The following SNX22 variants were observed in gnomAD, a reference collection of about 807,000 sequenced individuals.
The protein encoded by SNX22 is sorting nexin 22.
SNX22 carries 23 observed loss-of-function variants against 24.7 expected under a neutral mutation model. The ratio of observed to expected loss-of-function variants is 0.93; its 90% CI spans 0.67 to 1.32. SNX22 has a LOEUF of 1.32. Among genes scored for constraint, SNX22 ranks in the 40% most tolerant of loss-of-function variants. The probability of loss-of-function intolerance (pLI) is 0.00; values close to 1 mark genes in which losing one functional copy is unlikely to be tolerated. For missense variants in SNX22, 261 were observed against 249.9 expected (o/e 1.04, Z -0.30); for synonymous variants, 99 against 104.0 (o/e 0.95, Z 0.29).
Position 64,154,687 on chromosome 15 carries a change from G to C in SNX22, c.*179G>C. The C allele has an allele frequency of 1.4e-6, 1 of 739,014 alleles. No homozygotes were observed. Among genetic ancestry groups the C allele is most frequent in the East Asian group, 2.7e-5 (1 of 36,784 alleles). The allele number at this position is 739,014 out of a possible 1,614,324, so 45.8% of individuals were successfully genotyped here. A position where few individuals can be genotyped will look rare whatever the true frequency, so the allele number is the denominator to read the frequency against. On this transcript the variant is annotated 3_prime_UTR_variant, in exon 7 of 7. Transcript: ENST00000325881. ...CTCGCATTGGTAGCTGGAGGTGGTA[G>C]AATTTGTATGCTCTTAGAGCCCAAC...
chr15:64,153,337 G>T lies in SNX22; in HGVS notation c.357G>T (p.Trp119Cys), dbSNP rs754486393. ...HFPTDPKASN[W>C]GTLREFLPGD... ...CCACAGACCCCAAGGCTAGCAACTG[G>T]GGGTAAGGGGGGCCGATGGCGGGGG... The change falls in exon 4 of 7, where the codon TGG (tryptophan) becomes TGT (cysteine). Residue 119 changes from tryptophan (W) to cysteine (C), a missense_variant and splice_region_variant. By Grantham distance (215) the Trp-to-Cys change is radical (BLOSUM62 -2). Coordinates refer to ENST00000325881, the MANE Select transcript of SNX22 (RefSeq NM_024798.3). 5 of 1,613,784 alleles carry T rather than the reference G, an allele frequency of 3.1e-6. No individual in the cohort carries two copies. The South Asian group carries it at 5.5e-5, about 18-fold the overall frequency.
chr15:64,154,028 T>C, intron 6 of SNX22, 26 bp downstream of exon 6: 1 of 1,614,116 alleles, frequency 6.2e-7, no homozygotes, highest in South Asian at 1.1e-5. Flanking sequence ...GATATGGGGC[T>C]ACAGGGCTGG....
In SNX22 at chr15:64,157,284, A is replaced by C; in HGVS notation, c.*2776A>C. The C allele has an allele frequency of 3.8e-6, 1 of 262,930 alleles. No homozygotes were observed. The highest frequency in any genetic ancestry group is 8.8e-5 in the East Asian group (1 of 11,358). The allele number at this position is 262,930 out of a possible 1,614,324, so 16.3% of individuals were successfully genotyped here. A position where few individuals can be genotyped will look rare whatever the true frequency, so the allele number is the denominator to read the frequency against. Reference sequence around the variant, plus strand: ...ATGCAGGGGAGTCAACAGGGTCGGAACTCTCCAGAAAAGGAGGACTGCTGT... The same window carrying C: ...ATGCAGGGGAGTCAACAGGGTCGGACCTCTCCAGAAAAGGAGGACTGCTGT... On this transcript the variant is annotated 3_prime_UTR_variant, in exon 7 of 7. Transcript: ENST00000325881. The surrounding 1 kb of genome is among the most constrained non-coding windows in gnomAD (Gnocchi z 4.2).
chr15:64,156,505 C>A lies in SNX22; in HGVS notation c.*1997C>A, dbSNP rs539370673. The A allele has an allele frequency of 1.3e-4, 83 of 654,928 alleles. No individual in the cohort carries two copies. The highest frequency in any genetic ancestry group is 2.2e-4 in the Non-Finnish European group (81 of 373,170). 40.6% of individuals were successfully genotyped at this position (654,928 alleles called of 1,614,324 possible). A position where few individuals can be genotyped will look rare whatever the true frequency, so the allele number is the denominator to read the frequency against. ...GTGAAGGAGGGGAGGGAGGCTCTGG[C>A]AGTTGTGCAGCCTTCCTGGCTGGGC... On this transcript the variant is annotated 3_prime_UTR_variant, in exon 7 of 7. Coordinates refer to ENST00000325881, the MANE Select transcript of SNX22 (RefSeq NM_024798.3). This position sits in a 1 kb window ranked among gnomAD's most constrained non-coding sequence, Gnocchi z 6.4.
Position 64,156,387 on chromosome 15 carries a change from G to A in SNX22, c.*1879G>A. On this transcript the variant is annotated 3_prime_UTR_variant, in exon 7 of 7. Transcript: ENST00000325881. The surrounding 1 kb of genome is among the most constrained non-coding windows in gnomAD (Gnocchi z 6.4). The stretch of plus-strand genomic sequence containing the variant: ...CCCAGGTTGGGCCAAGGGTGAGGAG[G>A]AGGAAGAGGGTGACCAGGGCATGTG... 3.1e-6 allele frequency: 2 copies of A among 640,778 alleles called. No individual in the cohort carries two copies. The highest frequency in any genetic ancestry group is 4.9e-5 in the Admixed American group (2 of 41,038). The allele number at this position is 640,778 out of a possible 1,614,324, so 39.7% of individuals were successfully genotyped here.
At position 64,151,824 on chromosome 15, in the gene SNX22, A is replaced by G; in HGVS notation, c.49A>G (p.Arg17Gly). 1 of 1,538,618 alleles carries G rather than the reference A, an allele frequency of 6.5e-7. No individual in the cohort carries two copies. Residue 17 changes from arginine (R) to glycine (G), a missense_variant, in exon 1 of 7, where the codon AGG becomes GGG. Arg to Gly is a moderately radical substitution (Grantham distance 125, BLOSUM62 -2). Coordinates refer to ENST00000325881, the MANE Select transcript of SNX22 (RefSeq NM_024798.3). The stretch of plus-strand genomic sequence containing the variant: ...GGTGGGGCCCGAGGCCGAGGGGCCC[A>G]GGCAGAGCCCGGAGAAAAGCCACAT... ...PSVGPEAEGPRQSPEKSHMVF... is the reference protein window; with the variant it reads ...PSVGPEAEGPGQSPEKSHMVF...
chr15:64,152,801 C>A, intron 3 of SNX22, 59 bp downstream of exon 3: 1 of 1,499,238 alleles, frequency 6.7e-7, no homozygotes, highest in Non-Finnish European at 9.3e-7. Flanking sequence ...GTGGCCCAGA[C>A]AGAGAGGTGT....
chr15:64,154,381 C>G lies in SNX22; in HGVS notation c.461-6C>G. ...GAGGCCAGACCTGTTTAATTCTATC[C>G]CACAGAGTCGCTGCCCAACGTGGTG... On this transcript the variant is annotated splice_region_variant and splice_polypyrimidine_tract_variant and intron_variant, in intron 6 of 6. Coordinates refer to ENST00000325881, the MANE Select transcript of SNX22 (RefSeq NM_024798.3). The G allele has an allele frequency of 6.2e-7, 1 of 1,614,104 alleles. No individual in the cohort carries two copies. The highest frequency in any genetic ancestry group is 8.5e-7 in the Non-Finnish European group (1 of 1,179,992).
intron 3 of SNX22, 190 bp downstream of exon 3, chr15:64,152,932 A>G: frequency 1.6e-6 from 1 of 618,848 alleles, no homozygotes; most frequent in Non-Finnish European, 2.8e-6. Context: ...GGACTGAAAG[A>G]GGTAACGGAC....
chr15:64,153,040 C>T (rs2081498787), intron 3 of SNX22: 1 of 655,530 alleles, frequency 1.5e-6, no homozygotes, highest in South Asian at 2.0e-5. Context: ...GGTCCTTCCC[C>T]CAACAGCAAA....
chr15:64,152,832 AC>A, intron 3 of SNX22, 90 bp downstream of exon 3: 3 of 1,146,662 alleles, frequency 2.6e-6, no homozygotes, highest in Non-Finnish European at 3.8e-6. Flanking sequence ...CAGGGAGGGA[AC>A]CCACAACTTG....
intron 1 of SNX22, 23 bp downstream of exon 1, chr15:64,151,873 G>A: frequency 6.6e-7 from 1 of 1,523,352 alleles, no homozygotes. Flanking sequence ...CCTGGATGGG[G>A]AGGGGCGCCG....
chr15:64,154,633 C>G lies in SNX22; in HGVS notation c.*125C>G. The G allele has an allele frequency of 7.9e-7, 1 of 1,265,888 alleles. No individual in the cohort carries two copies. The allele number at this position is 1,265,888 out of a possible 1,614,324, so 78.4% of individuals were successfully genotyped here. A position where few individuals can be genotyped will look rare whatever the true frequency, so the allele number is the denominator to read the frequency against. On this transcript the variant is annotated 3_prime_UTR_variant, in exon 7 of 7. Transcript: ENST00000325881. Reference sequence around the variant, plus strand: ...TTAATTACCCAGTGCCCAGTTGTGCCACATTCCCACTCAAGGCTCAGAACT... The same window carrying G: ...TTAATTACCCAGTGCCCAGTTGTGCGACATTCCCACTCAAGGCTCAGAACT...
intron 1 of SNX22, 43 bp downstream of exon 1, chr15:64,151,893 G>A (rs1426718901): frequency 5.3e-6 from 8 of 1,502,770 alleles, no homozygotes; most frequent in Non-Finnish European, 7.1e-6. Context: ...GGGACCCGCA[G>A]GATTTCCCCG....
chr15:64,152,014 C>G (rs1247186042), intron 1 of SNX22, 164 bp downstream of exon 1: 1 of 815,804 alleles, frequency 1.2e-6, no homozygotes, highest in Admixed American at 3.5e-5. Context: ...ATTTGCCAGC[C>G]TCGCGGACCA....
chr15:64,154,313 G>A (rs976014184), intron 6 of SNX22, 74 bp from the exon 7 acceptor site: 3 of 1,597,934 alleles, frequency 1.9e-6, no homozygotes, highest in African/African-American at 1.3e-5. Context: ...ACTCCCAAGT[G>A]GGGGCTGAGC....
Position 64,153,678 on chromosome 15 carries a change from A to G in SNX22, c.386A>G (p.Asp129Gly). 1 of 1,613,986 alleles carries G rather than the reference A, an allele frequency of 6.2e-7. No homozygotes were observed. Among genetic ancestry groups the G allele is most frequent in the Non-Finnish European group, 8.5e-7 (1 of 1,179,998 alleles). Residue 129 changes from aspartate to glycine, a missense_variant, in exon 5 of 7, where the codon GAC (aspartate) becomes GGC (glycine). Physicochemically the swap from Asp to Gly is moderately conservative, Grantham distance 94 (BLOSUM62 -1). Transcript: ENST00000325881. ...WGTLREFLPG[D>G]SSSQQHQRPV... is the part of the protein sequence containing the mutation. ...ACCCTGAGGGAGTTCCTGCCTGGCG[A>G]CAGCAGGCAAGTCAAAGCCCTAGCC...
intron 3 of SNX22, 148 bp from the exon 4 acceptor site, chr15:64,153,097 C>T: frequency 2.1e-6 from 2 of 963,700 alleles, no homozygotes; most frequent in South Asian, 3.3e-5. Context: ...GCGCCCAGCG[C>T]CCAGAAGGGC....
At position 64,152,320 on chromosome 15, in the gene SNX22, C is replaced by G; in HGVS notation, c.153C>G (p.His51Gln). The change falls in exon 2 of 7, where the codon CAC (histidine) becomes CAG (glutamine). Residue 51 changes from histidine (H) to glutamine (Q), a missense_variant. Physicochemically the swap from His to Gln is conservative, Grantham distance 24. Coordinates refer to ENST00000325881, the MANE Select transcript of SNX22 (RefSeq NM_024798.3). ...GCTACAGCGAGTTCCACGCGCTGCA[C>G]AAGCGGGTGAGGCGGCGCCGACCTC... ...PRRYSEFHALHKRIKKLYKVP... is the reference protein window; with the variant it reads ...PRRYSEFHALQKRIKKLYKVP... The G allele has an allele frequency of 6.6e-7, 1 of 1,515,048 alleles. No homozygotes were observed. 93.9% of individuals were successfully genotyped at this position (1,515,048 alleles called of 1,614,324 possible).
Sources: gnomAD v4.1 joint callset for allele counts on GRCh38, gnomAD v4.1.1 for gene constraint, Gnocchi (gnomAD v3.1) non-coding constraint, MANE v1.5 for transcripts, NCBI Gene and HGNC (gene_info 2026-07-23, HGNC 2026-07-21) for gene names.